Variants in EXOC6 observed in about 807,000 individuals in gnomAD.
The protein encoded by EXOC6 is exocyst complex component 6.
In EXOC6, 60 loss-of-function variants were observed where a neutral mutation model predicts 112.5. The ratio of observed to expected loss-of-function variants is 0.53; its 90% confidence interval spans 0.43 to 0.66. EXOC6 has a LOEUF of 0.66. EXOC6 is among the 30% of genes least tolerant of loss of function. The pLI, the probability that EXOC6 is intolerant of heterozygous loss-of-function variation, is 0.00. For synonymous variants in EXOC6, 295 were observed against 308.0 expected (o/e 0.96, Z 0.44); for missense variants, 855 against 957.1 (o/e 0.89, Z 1.41).
intron 12 of EXOC6, among the ~76,000 whole-genome samples, chr10:92,936,644 T>A (rs1456823561): frequency 6.6e-6 from 1 of 152,226 alleles, no homozygotes; most frequent in Non-Finnish European, 1.5e-5. Flanking sequence ...TTTCTTTTTA[T>A]TGGGAGTAAT....
chr10:93,013,808 A>G (rs1464602189), intron 19 of EXOC6, among the ~76,000 whole-genome samples: 1 of 152,162 alleles, frequency 6.6e-6, no homozygotes, highest in African/African-American at 2.4e-5. Context: ...CAAATGTTTC[A>G]AAATATGTTG....
At chr10:92,850,789 C>A (rs1259401878) in intron 1 of EXOC6, among the ~76,000 whole-genome samples, 1 of 152,074 alleles carries the variant, frequency 6.6e-6, no homozygotes, top group East Asian at 1.9e-4. Context: ...TCCTAATTAT[C>A]TTTTAGCTGG....
At chr10:92,942,493 C>G (rs888994644) in intron 13 of EXOC6, among the ~76,000 whole-genome samples, 1 of 152,092 alleles carries the variant, frequency 6.6e-6, no homozygotes. Context: ...TATTTACATT[C>G]TTCAGGAGTG....
chr10:92,933,177 G>A (rs1165601202), intron 9 of EXOC6, among the ~76,000 whole-genome samples: 2 of 152,006 alleles, frequency 1.3e-5, no homozygotes, highest in Admixed American at 1.3e-4. Flanking sequence ...TTGACTCAAA[G>A]TATTTAAAGC....
intron 20 of EXOC6, among the ~76,000 whole-genome samples, chr10:93,050,220 G>A (rs1846215653): frequency 6.6e-6 from 1 of 152,090 alleles, no homozygotes; most frequent in African/African-American, 2.4e-5. Context: ...AGAAAAATAA[G>A]CCTATTAGGG....
At chr10:92,996,421 T>G (rs776274809) in intron 18 of EXOC6, among the ~76,000 whole-genome samples, 5 of 152,102 alleles carry the variant, frequency 3.3e-5, no homozygotes, top group Non-Finnish European at 5.9e-5. Flanking sequence ...ATCGAGACCA[T>G]CCTGGCTAAC....
chr10:92,972,682 AC>A (rs1230598504), intron 17 of EXOC6, among the ~76,000 whole-genome samples: 2 of 152,082 alleles, frequency 1.3e-5, no homozygotes, highest in African/African-American at 4.8e-5. Context: ...CATGGTTTAC[AC>A]CCTGTTTTTC....
chr10:92,998,458 A>G (rs1843593350), intron 19 of EXOC6, among the ~76,000 whole-genome samples: 1 of 152,210 alleles, frequency 6.6e-6, no homozygotes, highest in Non-Finnish European at 1.5e-5. Flanking sequence ...GACATTAAAA[A>G]ATTAAATGTC....
At chr10:92,869,510 A>G (rs1473067364) in intron 1 of EXOC6, among the ~76,000 whole-genome samples, 2 of 151,850 alleles carry the variant, frequency 1.3e-5, no homozygotes, top group African/African-American at 2.4e-5. Context: ...GGGTCTCACT[A>G]TGTTGCTCAG....
In EXOC6 at chr10:92,978,207, C is replaced by T. The variant is rs187494766; in HGVS notation, c.1953+3975C>T. Among the ~76,000 whole-genome samples, 558 of 152,178 alleles carry T rather than the reference C, an allele frequency of 3.7e-3. 2 individuals are homozygous for T. Among genetic ancestry groups the T allele is most frequent in the African/African-American group, 0.012 (513 of 41,508 alleles). ...GGAGGACCACCTGAGCCTAGGAGTT[C>T]GAGACTAGTCTGGGCAACATGGTGA... is the stretch of plus-strand genomic sequence containing the variant. On this transcript the variant is annotated intron_variant, in intron 18 of 21. Coordinates refer to ENST00000260762, the MANE Select transcript of EXOC6 (RefSeq NM_019053.6).
chr10:93,053,285 G>A (rs1208644718), intron 20 of EXOC6, among the ~76,000 whole-genome samples: 1 of 152,160 alleles, frequency 6.6e-6, no homozygotes, highest in Non-Finnish European at 1.5e-5. Context: ...CTGTGGAAAT[G>A]GGTTCAGTCC....
intron 1 of EXOC6, among the ~76,000 whole-genome samples, chr10:92,828,788 G>A (rs1233740871): frequency 6.6e-6 from 1 of 150,644 alleles, no homozygotes; most frequent in Admixed American, 6.6e-5. Context: ...TTAAGGATAG[G>A]AGGGAAAACT....
chr10:92,960,267 A>G (rs958999406), intron 17 of EXOC6, among the ~76,000 whole-genome samples: 2 of 152,218 alleles, frequency 1.3e-5, no homozygotes, highest in Non-Finnish European at 2.9e-5. Context: ...AAAAGTCTAC[A>G]TATTGTATGA....
At chr10:92,902,370 A>G (rs1237418650) in intron 5 of EXOC6, among the ~76,000 whole-genome samples, 1 of 151,474 alleles carries the variant, frequency 6.6e-6, no homozygotes, top group Non-Finnish European at 1.5e-5. Context: ...TTGGTTCTCT[A>G]ATTTTCTTAT....
At chr10:92,973,997 G>C in intron 17 of EXOC6, 56 bp from the exon 18 acceptor site, 4 of 1,311,634 alleles carry the variant, frequency 3.0e-6, no homozygotes, top group Non-Finnish European at 4.2e-6. Context: ...AGAATTGTAA[G>C]AACACTTGTT....
At chr10:92,916,314 A>G (rs1047299965) in intron 7 of EXOC6, among the ~76,000 whole-genome samples, 1 of 152,186 alleles carries the variant, frequency 6.6e-6, no homozygotes, top group Non-Finnish European at 1.5e-5. Flanking sequence ...GTTTAAGACC[A>G]GCCTGGCCAA....
At chr10:92,872,923 C>G (rs914342104) in intron 1 of EXOC6, among the ~76,000 whole-genome samples, 11 of 152,114 alleles carry the variant, frequency 7.2e-5, no homozygotes, top group South Asian at 6.2e-4. Context: ...TAGTTCATCT[C>G]TTAAGCTATT....
At position 92,904,800 on chromosome 10, in the gene EXOC6, A is replaced by G. The variant is rs1376685705; in HGVS notation, c.459-4627A>G. Reference sequence around the variant, plus strand: ...TTTAGTTTTAATGAAATTAAATTGGAAAAGTCCAGTTTACCTTTTTTTCTT... The same window carrying G: ...TTTAGTTTTAATGAAATTAAATTGGGAAAGTCCAGTTTACCTTTTTTTCTT... On this transcript the variant is annotated intron_variant, in intron 5 of 21. Transcript: ENST00000260762. Among the ~76,000 whole-genome samples the G allele has an allele frequency of 2.6e-5, 4 of 152,134 alleles. No homozygotes were observed. In the East Asian group the frequency reaches 5.8e-4, roughly 22 times the overall value.
At chr10:92,952,058 A>G (rs1405597255) in intron 14 of EXOC6, among the ~76,000 whole-genome samples, 2 of 152,192 alleles carry the variant, frequency 1.3e-5, no homozygotes, top group Non-Finnish European at 2.9e-5. Flanking sequence ...GCTTGTTGGA[A>G]GTCTGATAAT....
Sources: allele counts gnomAD v4.1 joint callset (sites outside exome capture counted in the v4.1 genomes callset), GRCh38; gene constraint gnomAD v4.1.1; transcripts MANE v1.5; gene names NCBI Gene and HGNC (gene_info 2026-07-23, HGNC 2026-07-21).